Variants in DOCK1 observed in about 807,000 individuals in gnomAD.
DOCK1 encodes dedicator of cytokinesis 1.
A neutral mutation model predicts 262.7 loss-of-function variants in DOCK1; 138 were observed. The observed-to-expected ratio is 0.53, with a 90% CI of 0.46 to 0.61. The LOEUF is 0.61. DOCK1 is among the 20% of genes least tolerant of loss of function. DOCK1 has a pLI of 0.00. For missense variants in DOCK1, 1,908 were observed against 2,370.7 expected (o/e 0.80, Z 4.05); for synonymous variants, 866 against 867.4 (o/e 1.00, Z 0.03).
chr10:127,159,798 A>T (rs1012127830), intron 27 of DOCK1, among the ~76,000 whole-genome samples: 1 of 152,120 alleles, frequency 6.6e-6, no homozygotes, highest in Non-Finnish European at 1.5e-5. Context: ...CACTGCAGGA[A>T]TGATAAAGGA....
rs186825546 is a variant in DOCK1, at chr10:127,328,175, C to G, written c.3045-10831C>G. 2.6e-3 allele frequency among the ~76,000 whole-genome samples: 400 copies of G among 151,186 alleles called. 2 individuals are homozygous for G. The highest frequency in any genetic ancestry group is 3.1e-3 in the Non-Finnish European group (210 of 67,876). On this transcript the variant is annotated intron_variant, in intron 29 of 51. Coordinates refer to ENST00000623213, the MANE Select transcript of DOCK1 (RefSeq NM_001290223.2). ...CAGTTTTCAGCCTATGGCAAATGAGCCTTCAGCAAATGACATGAGCATGCT... is the reference window on the plus strand; with the variant it reads ...CAGTTTTCAGCCTATGGCAAATGAGGCTTCAGCAAATGACATGAGCATGCT...
intron 29 of DOCK1, among the ~76,000 whole-genome samples, chr10:127,261,027 GTC>G (rs2060045897): frequency 2.8e-5 from 4 of 141,566 alleles, no homozygotes; most frequent in Admixed American, 7.0e-5. Flanking sequence ...GCATGTGGGT[GTC>G]TGTATGTGTG....
chr10:127,031,789 G>T, intron 17 of DOCK1, 36 bp downstream of exon 17: 2 of 1,577,266 alleles, frequency 1.3e-6, no homozygotes, highest in South Asian at 1.2e-5. Flanking sequence ...TGCTGCTATA[G>T]ACAGTTTCAG....
intron 29 of DOCK1, among the ~76,000 whole-genome samples, chr10:127,335,819 A>G (rs998174503): frequency 1.3e-5 from 2 of 151,300 alleles, no homozygotes; most frequent in African/African-American, 4.9e-5. Flanking sequence ...GGTTCATGCC[A>G]TTCTCCTGCC....
At chr10:127,306,576 T>C (rs2061885569) in intron 29 of DOCK1, among the ~76,000 whole-genome samples, 1 of 152,122 alleles carries the variant, frequency 6.6e-6, no homozygotes, top group Admixed American at 6.5e-5. Flanking sequence ...CGCTGGGAGA[T>C]TGAGGATTAT....
rs1467028318 is a variant in DOCK1, at chr10:127,000,261, C to A, written c.939C>A (p.Asn313Lys). 3.1e-6 allele frequency: 5 copies of A among 1,613,914 alleles called. No individual in the cohort carries two copies. The African/African-American group carries it at 4.0e-5, about 13-fold the overall frequency. ...GTCGCATGGAGCTGAGGGACAACAA[C>A]ACCAGGAAACTGACCTCGGGGTTGC... is the stretch of plus-strand genomic sequence containing the variant. ...RVGRMELRDNNTRKLTSGLRR... is the reference protein window; with the variant it reads ...RVGRMELRDNKTRKLTSGLRR... The change falls in exon 10 of 52, where the codon AAC (asparagine) becomes AAA (lysine). Residue 313 changes from asparagine to lysine, a missense_variant. By Grantham distance (94) the Asn-to-Lys change is moderately conservative. Transcript: ENST00000623213.
intron 38 of DOCK1, among the ~76,000 whole-genome samples, chr10:127,396,523 C>G (rs1031844889): frequency 1.3e-5 from 2 of 152,180 alleles, no homozygotes; most frequent in Non-Finnish European, 2.9e-5. Context: ...AAAGGATGGT[C>G]TGCACTTGCT....
chr10:127,282,723 G>A (rs2061006353), intron 29 of DOCK1, among the ~76,000 whole-genome samples: 1 of 152,220 alleles, frequency 6.6e-6, no homozygotes, highest in African/African-American at 2.4e-5. Context: ...CAAGCATTCA[G>A]TTGACTGCAT....
chr10:127,294,302 T>TTTTGC (rs1198082956), intron 29 of DOCK1, among the ~76,000 whole-genome samples: 1 of 151,750 alleles, frequency 6.6e-6, no homozygotes, highest in Admixed American at 6.6e-5. Context: ...TGTTGTCGTT[T>TTTTGC]TTTGTTTTGT....
chr10:127,431,738 C>T (rs891390932), intron 47 of DOCK1, among the ~76,000 whole-genome samples: 5 of 152,194 alleles, frequency 3.3e-5, no homozygotes, highest in African/African-American at 1.2e-4. Context: ...TCATTCATTT[C>T]TGTATTATCT....
At chr10:126,985,281 C>T (rs1235561870) in intron 4 of DOCK1, among the ~76,000 whole-genome samples, 19 of 152,110 alleles carry the variant, frequency 1.2e-4, no homozygotes, top group Admixed American at 1.2e-3. Flanking sequence ...GCGTGGAGCC[C>T]CATTCATTCT....
intron 1 of DOCK1, among the ~76,000 whole-genome samples, chr10:126,945,881 G>T (rs1222161926): frequency 2.6e-5 from 4 of 152,182 alleles, no homozygotes; most frequent in South Asian, 2.1e-4. Flanking sequence ...CACCTCTGCC[G>T]TGCATCTCAT....
At chr10:127,354,534 G>A (rs530894650) in intron 31 of DOCK1, 135 bp from the exon 32 acceptor site, 2 of 938,882 alleles carry the variant, frequency 2.1e-6, no homozygotes, top group African/African-American at 1.6e-5. Context: ...TTGGTGGCAA[G>A]AGAAGTTGAA....
In DOCK1 at chr10:127,190,345, A is replaced by C. The variant is rs537362728; in HGVS notation, c.2848-57663A>C. On this transcript the variant is annotated intron_variant, in intron 27 of 51. Coordinates refer to ENST00000623213, the MANE Select transcript of DOCK1 (RefSeq NM_001290223.2). ...ACTGCCTTCTCACGGTGTTTCCTTT[A>C]ATTCCTGCTACACAAAAAGTTACAA... Among the ~76,000 whole-genome samples the C allele has an allele frequency of 2.0e-5, 3 of 152,290 alleles. No homozygotes were observed. In the South Asian group the frequency reaches 6.2e-4, roughly 32 times the overall value.
chr10:126,949,722 C>T (rs1189939871), intron 1 of DOCK1, among the ~76,000 whole-genome samples: 3 of 152,144 alleles, frequency 2.0e-5, no homozygotes, highest in African/African-American at 7.2e-5. Flanking sequence ...AATATTTCAC[C>T]TAAAAAGGAC....
intron 21 of DOCK1, among the ~76,000 whole-genome samples, chr10:127,047,401 G>A (rs1262704585): frequency 6.6e-6 from 1 of 152,146 alleles, no homozygotes; most frequent in Non-Finnish European, 1.5e-5. Flanking sequence ...ACATATTGGA[G>A]ATATCTACTG....
rs373010349 is a variant in DOCK1 at position 127,061,720 on chromosome 10, T to C, written c.2389T>C (p.Phe797Leu). Residue 797 changes from phenylalanine to leucine, a missense_variant, in exon 23 of 52, where the codon TTC becomes CTC. By Grantham distance (22) the Phe-to-Leu change is conservative. Around this residue, in one of 9 missense-constraint regions of DOCK1, gnomAD observed 518 missense variants for 575.1 expected, o/e 0.90. Transcript: ENST00000623213. ...ADFVESLLQL[F>L]RSINDMMSSM... ...CTTCGTGGAATCTTTGCTGCAGCTCTTCAGGTCCATCAATGACATGATGAG... is the reference window on the plus strand; with the variant it reads ...CTTCGTGGAATCTTTGCTGCAGCTCCTCAGGTCCATCAATGACATGATGAG... 5 of 1,598,230 alleles carry C rather than the reference T, an allele frequency of 3.1e-6. No homozygotes were observed. The African/African-American group carries it at 5.4e-5, about 17-fold the overall frequency.
chr10:127,326,769 C>G (rs189755864), intron 29 of DOCK1, among the ~76,000 whole-genome samples: 1 of 152,300 alleles, frequency 6.6e-6, no homozygotes, highest in Admixed American at 6.5e-5. Context: ...CTATCTCTGG[C>G]AGCTATAGCC....
At chr10:127,238,628 A>G (rs547338625) in intron 27 of DOCK1, among the ~76,000 whole-genome samples, 2 of 152,244 alleles carry the variant, frequency 1.3e-5, no homozygotes, top group South Asian at 2.1e-4. Flanking sequence ...GTTTGTTGTC[A>G]TCGTTCATTT....
Sources: allele counts gnomAD v4.1 joint callset (sites outside exome capture counted in the v4.1 genomes callset), GRCh38; gene constraint gnomAD v4.1.1; regional missense constraint gnomAD v4.1.1; transcripts MANE v1.5; gene names NCBI Gene and HGNC (gene_info 2026-07-23, HGNC 2026-07-21).